SLC35F1: variants seen among roughly 807,000 people sequenced by gnomAD.
SLC35F1 encodes the protein solute carrier family 35 member F1.
A neutral mutation model predicts 48.7 loss-of-function variants in SLC35F1; 14 were observed. The observed-to-expected ratio is 0.29, with a 90% CI of 0.19 to 0.45. SLC35F1 has a LOEUF of 0.45. Ranked by LOEUF, SLC35F1 falls within the 20% of genes least tolerant of loss-of-function variation. SLC35F1 has a pLI of 1.00. For synonymous variants in SLC35F1, 190 were observed against 202.2 expected (o/e 0.94, Z 0.51); for missense variants, 404 against 500.0 (o/e 0.81, Z 1.83).
At chr6:118,137,762 C>A (rs756095782) in intron 1 of SLC35F1, among the ~76,000 whole-genome samples, 11 of 152,276 alleles carry the variant, frequency 7.2e-5, no homozygotes, top group Non-Finnish European at 1.5e-4. Context: ...GGTCTGCAAC[C>A]TCCCCCTCCC....
chr6:118,255,648 G>A (rs907188814), intron 3 of SLC35F1, among the ~76,000 whole-genome samples: 2 of 152,100 alleles, frequency 1.3e-5, no homozygotes, highest in African/African-American at 4.8e-5. Context: ...GAATAAACTT[G>A]AGCAACTAGA....
rs75905260 is a variant in SLC35F1 at position 118,031,419 on chromosome 6, T to A, written c.174-123026T>A. ...GAAGGAGATTCCAGATTCTCATTTG[T>A]TCACATGGACCTGCTGGAAGTTCTA... is the stretch of plus-strand genomic sequence containing the variant. On this transcript the variant is annotated intron_variant, in intron 1 of 7. Coordinates refer to ENST00000360388, the MANE Select transcript of SLC35F1 (RefSeq NM_001029858.4). Among the ~76,000 whole-genome samples the A allele has an allele frequency of 2.9e-3, 442 of 152,350 alleles. 10 individuals carry two copies. The highest frequency in any genetic ancestry group is 0.02 in the East Asian group (102 of 5,178).
intron 4 of SLC35F1, 32 bp from the exon 5 acceptor site, chr6:118,275,427 T>G (rs1775907912): frequency 6.3e-7 from 1 of 1,587,162 alleles, no homozygotes. Flanking sequence ...TTAATGATGC[T>G]CCCTCTGTTT....
intron 3 of SLC35F1, among the ~76,000 whole-genome samples, chr6:118,240,119 T>C (rs1009520420): frequency 1.3e-5 from 2 of 152,240 alleles, no homozygotes; most frequent in Admixed American, 1.3e-4. Flanking sequence ...ATGCAATAGT[T>C]ACTGCAGGTG....
intron 1 of SLC35F1, among the ~76,000 whole-genome samples, chr6:118,080,874 G>A (rs764576158): frequency 6.6e-6 from 1 of 152,130 alleles, no homozygotes; most frequent in African/African-American, 2.4e-5. Flanking sequence ...AAGAGAAAAA[G>A]CTAATGAAGA....
intron 2 of SLC35F1, among the ~76,000 whole-genome samples, chr6:118,227,983 A>G (rs1393425668): frequency 1.3e-5 from 2 of 152,220 alleles, no homozygotes; most frequent in Non-Finnish European, 2.9e-5. Context: ...AATCATTAAT[A>G]GTAGAAAGAT....
intron 7 of SLC35F1, among the ~76,000 whole-genome samples, chr6:118,288,606 T>G (rs1582771833): frequency 1.3e-5 from 2 of 152,302 alleles, no homozygotes; most frequent in African/African-American, 4.8e-5. Context: ...TCAGAGAGAA[T>G]AGATTGTAAA....
In SLC35F1 at chr6:118,048,093, C is replaced by T. The variant is rs1019553107; in HGVS notation, c.174-106352C>T. Among the ~76,000 whole-genome samples the T allele has an allele frequency of 3.3e-5, 5 of 152,108 alleles. No individual in the cohort carries two copies. The East Asian group carries it at 5.8e-4, about 18-fold the overall frequency. ...TTTATTGAGAGTTTTTAGCATGAAG[C>T]GTTGTTGATTTTTGTCAAAGGCCTT... On this transcript the variant is annotated intron_variant, in intron 1 of 7. Transcript: ENST00000360388.
At chr6:117,966,131 G>GCCCGCCCCC (rs1776561614) in intron 1 of SLC35F1, among the ~76,000 whole-genome samples, 4 of 101,164 alleles carry the variant, frequency 4.0e-5, no homozygotes, top group Admixed American at 9.2e-5. Flanking sequence ...GCAGGCCACC[G>GCCCGCCCCC]CCCCCCCCCC....
At chr6:118,182,781 A>G (rs1417034605) in intron 2 of SLC35F1, among the ~76,000 whole-genome samples, 4 of 152,170 alleles carry the variant, frequency 2.6e-5, no homozygotes, top group Admixed American at 1.3e-4. Flanking sequence ...TTGTTATGAA[A>G]TGACATTATT....
intron 1 of SLC35F1, among the ~76,000 whole-genome samples, chr6:118,148,205 T>C (rs1774003773): frequency 6.6e-6 from 1 of 152,202 alleles, no homozygotes; most frequent in Non-Finnish European, 1.5e-5. Flanking sequence ...AGAATGAAGA[T>C]GTCGCCACAG....
intron 7 of SLC35F1, among the ~76,000 whole-genome samples, chr6:118,294,511 A>G (rs1405896304): frequency 2.6e-5 from 4 of 152,232 alleles, no homozygotes; most frequent in Admixed American, 2.6e-4. Flanking sequence ...TCACACATTT[A>G]CTATTAACAT....
chr6:117,914,908 TAA>T (rs570771175), intron 1 of SLC35F1, among the ~76,000 whole-genome samples: 2 of 147,786 alleles, frequency 1.4e-5, no homozygotes, highest in African/African-American at 2.5e-5. Flanking sequence ...TAAAAAATAT[TAA>T]AAAAAAAAGA....
intron 1 of SLC35F1, among the ~76,000 whole-genome samples, chr6:118,030,038 A>G (rs1489791695): frequency 6.6e-6 from 1 of 152,068 alleles, no homozygotes; most frequent in Non-Finnish European, 1.5e-5. Flanking sequence ...GGGAAAGGAG[A>G]TACAAGGTGT....
chr6:118,133,493 A>C (rs1773747412), intron 1 of SLC35F1, among the ~76,000 whole-genome samples: 1 of 152,188 alleles, frequency 6.6e-6, no homozygotes, highest in Non-Finnish European at 1.5e-5. Context: ...AGTTTATAGA[A>C]AGGTTAATCA....
At chr6:117,986,218 G>A (rs907360954) in intron 1 of SLC35F1, among the ~76,000 whole-genome samples, 2 of 152,186 alleles carry the variant, frequency 1.3e-5, no homozygotes, top group Non-Finnish European at 2.9e-5. Flanking sequence ...GCTTGGATCA[G>A]ATGGCTGCTC....
chr6:118,090,329 ACAGAGTT>A (rs1773054614), intron 1 of SLC35F1, among the ~76,000 whole-genome samples: 2 of 152,220 alleles, frequency 1.3e-5, no homozygotes, highest in Non-Finnish European at 2.9e-5. Context: ...GGTGAATAAG[ACAGAGTT>A]CCCACCCTCA....
At chr6:117,944,798 T>G (rs977176714) in intron 1 of SLC35F1, among the ~76,000 whole-genome samples, 3 of 152,218 alleles carry the variant, frequency 2.0e-5, no homozygotes, top group Admixed American at 6.5e-5. Flanking sequence ...TAAGCAGTTT[T>G]TGAGATGTGA....
At chr6:117,933,326 T>A (rs1776124651) in intron 1 of SLC35F1, among the ~76,000 whole-genome samples, 2 of 152,220 alleles carry the variant, frequency 1.3e-5, no homozygotes, top group South Asian at 4.1e-4. Flanking sequence ...TACGAAGCTC[T>A]TCAAACTGTA....
Sources: gnomAD v4.1 joint callset for allele counts (sites outside exome capture counted in the v4.1 genomes callset) on GRCh38, gnomAD v4.1.1 for gene constraint, MANE v1.5 for transcripts, NCBI Gene and HGNC (gene_info 2026-07-23, HGNC 2026-07-21) for gene names.